Variants in CLIC4 observed in about 807,000 individuals in gnomAD.
The protein encoded by CLIC4 is chloride intracellular channel protein 4.
Under a neutral mutation model 24.6 loss-of-function variants are expected in CLIC4, and 13 were observed. The observed-to-expected ratio is 0.53, with a 90% CI of 0.34 to 0.84. The LOEUF is 0.84. Among genes scored for constraint, CLIC4 ranks in the 40% least tolerant of loss-of-function variants. The pLI is 0.01. For synonymous variants in CLIC4, 104 were observed against 111.3 expected, an observed-to-expected ratio of 0.93 and a Z score of 0.41; for missense variants, 227 against 301.7, an observed-to-expected ratio of 0.75 and a Z score of 1.83.
chr1:24,788,241 T>C (rs1334064689), intron 1 of CLIC4, among the ~76,000 whole-genome samples: 6 of 151,744 alleles, frequency 4.0e-5, no homozygotes, highest in African/African-American at 1.5e-4. Context: ...CCACCTGCTT[T>C]GGCCTCCCAA....
chr1:24,795,930 T>G (rs1006035784), intron 1 of CLIC4, among the ~76,000 whole-genome samples: 2 of 152,210 alleles, frequency 1.3e-5, no homozygotes, highest in African/African-American at 2.4e-5. Flanking sequence ...GTTTCCCTTT[T>G]TACTTTGCCT....
intron 1 of CLIC4, among the ~76,000 whole-genome samples, chr1:24,748,049 C>T (rs1040832376): frequency 6.6e-6 from 1 of 151,192 alleles, no homozygotes; most frequent in African/African-American, 2.4e-5. Flanking sequence ...AAAGATAAAG[C>T]TATTATCAGT....
intron 3 of CLIC4, among the ~76,000 whole-genome samples, chr1:24,825,851 C>T (rs1159111241): frequency 1.3e-5 from 2 of 152,198 alleles, no homozygotes; most frequent in Non-Finnish European, 2.9e-5. Context: ...AAGACAATGT[C>T]TTCAAATAAA....
At chr1:24,812,007 T>C (rs1639620052) in intron 2 of CLIC4, among the ~76,000 whole-genome samples, 1 of 152,264 alleles carries the variant, frequency 6.6e-6, no homozygotes, top group Non-Finnish European at 1.5e-5. Flanking sequence ...TGTGGTGTTT[T>C]CAATTTTTCC....
At chr1:24,755,311 C>T (rs550749629) in intron 1 of CLIC4, among the ~76,000 whole-genome samples, 34 of 150,540 alleles carry the variant, frequency 2.3e-4, no homozygotes, top group African/African-American at 6.8e-4. Context: ...TGATGGTGCA[C>T]GCCTGTAATC....
At chr1:24,794,777 T>G (rs1272386891) in intron 1 of CLIC4, among the ~76,000 whole-genome samples, 2 of 152,240 alleles carry the variant, frequency 1.3e-5, no homozygotes, top group African/African-American at 2.4e-5. Flanking sequence ...AGTTCCTATG[T>G]CCAGAATGGC....
chr1:24,787,724 T>G (rs971700587), intron 1 of CLIC4, among the ~76,000 whole-genome samples: 5 of 149,308 alleles, frequency 3.3e-5, no homozygotes, highest in Non-Finnish European at 7.4e-5. Context: ...TTTTTGTATA[T>G]TTAGTACAGA....
At position 24,844,196 on chromosome 1, in the gene CLIC4, A is replaced by T. The variant is rs1307329634; in HGVS notation, c.*3259A>T. 6.6e-6 allele frequency: 1 copy of T among 152,600 alleles called. No homozygotes were observed. The highest frequency in any genetic ancestry group is 2.4e-5 in the African/African-American group (1 of 41,446). The allele number at this position is 152,600 out of a possible 1,614,324, so 9.5% of individuals were successfully genotyped here. A position where few individuals can be genotyped will look rare whatever the true frequency, so the allele number is the denominator to read the frequency against. On this transcript the variant is annotated 3_prime_UTR_variant, in exon 6 of 6. Transcript: ENST00000374379. Reference sequence around the variant, plus strand: ...TTATAGAATGCATGTATTTTCTTTTATCTTTGGAACATCAGCACCAGTATA... The same window carrying T: ...TTATAGAATGCATGTATTTTCTTTTTTCTTTGGAACATCAGCACCAGTATA...
chr1:24,783,719 A>T (rs1351835522), intron 1 of CLIC4, among the ~76,000 whole-genome samples: 1 of 152,208 alleles, frequency 6.6e-6, no homozygotes, highest in African/African-American at 2.4e-5. Context: ...ATAAAAAAGA[A>T]AAATTTGTAA....
chr1:24,753,010 C>T (rs938549801), intron 1 of CLIC4, among the ~76,000 whole-genome samples: 3 of 152,138 alleles, frequency 2.0e-5, no homozygotes, highest in East Asian at 1.9e-4. Flanking sequence ...CGTGAGCCAC[C>T]GCGCCCAGCC....
At chr1:24,746,057 GC>G (rs1370307897) in intron 1 of CLIC4, among the ~76,000 whole-genome samples, 6 of 151,824 alleles carry the variant, frequency 4.0e-5, no homozygotes, top group African/African-American at 1.4e-4. Flanking sequence ...ACTGCGGCCC[GC>G]CGCCCGATGA....
chr1:24,786,778 C>T (rs541352552), intron 1 of CLIC4, among the ~76,000 whole-genome samples: 17 of 151,946 alleles, frequency 1.1e-4, no homozygotes, highest in Admixed American at 2.0e-4. Flanking sequence ...CCACCACACC[C>T]GGCTAATTTT....
rs538371406 is a variant in CLIC4, at chr1:24,839,970, C to T, written c.526C>T (p.Arg176Cys). The T allele has an allele frequency of 1.4e-5, 22 of 1,614,006 alleles. No homozygotes were observed. Among genetic ancestry groups the T allele is most frequent in the African/African-American group, 2.7e-5 (2 of 75,006 alleles). ...NSMEDIKFST[R>C]KFLDGNEMTL... is the part of the protein sequence containing the mutation. ...TATGGAGGACATAAAGTTTTCTACA[C>T]GTAAATTTCTGGATGGCAATGAAAT... Residue 176 changes from arginine (R) to cysteine (C), a missense_variant, in exon 5 of 6, where the codon CGT becomes TGT. Arg to Cys is a radical substitution (Grantham distance 180, BLOSUM62 -3). Transcript: ENST00000374379.
At chr1:24,839,783 A>T in intron 4 of CLIC4, 77 bp from the exon 5 acceptor site, 1 of 1,284,796 alleles carries the variant, frequency 7.8e-7, no homozygotes, top group Non-Finnish European at 1.1e-6. Flanking sequence ...TTATTGACTC[A>T]AAGAGTCTGC....
At chr1:24,835,140 A>G (rs1321795150) in intron 4 of CLIC4, among the ~76,000 whole-genome samples, 1 of 152,238 alleles carries the variant, frequency 6.6e-6, no homozygotes, top group East Asian at 1.9e-4. Flanking sequence ...CATCTAAGAA[A>G]TAAGCTAACT....
At chr1:24,812,516 A>G (rs1451476283) in intron 2 of CLIC4, among the ~76,000 whole-genome samples, 3 of 152,166 alleles carry the variant, frequency 2.0e-5, no homozygotes, top group Non-Finnish European at 2.9e-5. Context: ...GAAACCAGAC[A>G]CTAACTCTCC....
At chr1:24,779,750 A>G (rs903964677) in intron 1 of CLIC4, among the ~76,000 whole-genome samples, 10 of 152,178 alleles carry the variant, frequency 6.6e-5, no homozygotes, top group African/African-American at 2.4e-4. Flanking sequence ...CGCTTTCCAC[A>G]TCCAAACCAT....
At position 24,836,470 on chromosome 1, in the gene CLIC4, A is replaced by C. The variant is rs538464474; in HGVS notation, c.416-3390A>C. Among the ~76,000 whole-genome samples the C allele has an allele frequency of 2.1e-3, 186 of 88,150 alleles. 2 individuals are homozygous for C. In the East Asian group the frequency reaches 0.036, roughly 17 times the overall value. The allele number at this position is 88,150 out of a possible 152,430, so 57.8% of individuals were successfully genotyped here. The stretch of plus-strand genomic sequence containing the variant: ...TAAAGCTGGGCCATAAAACAAAGCT[A>C]AAAATTTTTCCAAAAAAATTGAAAA... On this transcript the variant is annotated intron_variant, in intron 4 of 5. Transcript: ENST00000374379.
At chr1:24,835,947 T>A (rs1431488164) in intron 4 of CLIC4, among the ~76,000 whole-genome samples, 2 of 152,168 alleles carry the variant, frequency 1.3e-5, no homozygotes, top group African/African-American at 4.8e-5. Flanking sequence ...TTAAAAACAA[T>A]GTTGCTTATG....
Sources: allele counts gnomAD v4.1 joint callset (sites outside exome capture counted in the v4.1 genomes callset), GRCh38; gene constraint gnomAD v4.1.1; transcripts MANE v1.5; gene names NCBI Gene and HGNC (gene_info 2026-07-23, HGNC 2026-07-21).